STX16: variants seen among roughly 807,000 people sequenced by gnomAD.
STX16 encodes the protein syntaxin 16, also known as syntaxin-16.
In STX16, 28 loss-of-function variants were observed where a neutral mutation model predicts 42.7. That is an observed-to-expected ratio of 0.66 (90% confidence interval 0.49 to 0.90). The LOEUF (loss-of-function observed/expected upper bound fraction) is 0.90, where lower values mean the gene tolerates loss of function less well. Ranked by LOEUF, STX16 falls within the 40% of genes least tolerant of loss-of-function variation. The pLI is 0.00. For missense variants in STX16, 361 were observed against 420.9 expected (o/e 0.86, Z 1.24); for synonymous variants, 156 against 155.2 (o/e 1.00, Z -0.04).
intron 8 of STX16, among the ~76,000 whole-genome samples, chr20:58,674,135 G>T (rs1601054137): frequency 6.6e-6 from 1 of 152,186 alleles, no homozygotes; most frequent in South Asian, 2.1e-4. Flanking sequence ...ATGAATTGCT[G>T]ATGGAGAATC....
At chr20:58,662,780 G>A (rs1218525543) in intron 2 of STX16, among the ~76,000 whole-genome samples, 1 of 152,120 alleles carries the variant, frequency 6.6e-6, no homozygotes, top group Non-Finnish European at 1.5e-5. Context: ...CGCCTGCCTT[G>A]GCCTCCCAAG....
rs886056844 is a variant in STX16 at position 58,651,598 on chromosome 20, G to A, written c.-409G>A. Reference sequence around the variant, plus strand: ...AGACGCTTACGAGCCAAAGTTAGGGGTAGAGAGCAGAGACCTCCGGGGGGT... The same window carrying A: ...AGACGCTTACGAGCCAAAGTTAGGGATAGAGAGCAGAGACCTCCGGGGGGT... On this transcript the variant is annotated 5_prime_UTR_variant, in exon 1 of 9. Transcript: ENST00000371141. The A allele has an allele frequency of 3.8e-5, 7 of 182,254 alleles. No homozygotes were observed. The highest frequency in any genetic ancestry group is 8.3e-5 in the Non-Finnish European group (7 of 84,460). 11.3% of individuals were successfully genotyped at this position (182,254 alleles called of 1,614,324 possible). A position where few individuals can be genotyped will look rare whatever the true frequency, so the allele number is the denominator to read the frequency against.
At position 58,676,338 on chromosome 20, in the gene STX16, G is replaced by T. The variant is rs758147427; in HGVS notation, c.*47G>T. The T allele has an allele frequency of 1.3e-6, 2 of 1,551,214 alleles. No homozygotes were observed. Among genetic ancestry groups the T allele is most frequent in the Non-Finnish European group, 8.9e-7 (1 of 1,124,214 alleles). ...TGCCGCGCGTGTGGATCTCCCGGGT[G>T]TGAGGGGCTTGGCCTGCGCCCCGCC... On this transcript the variant is annotated 3_prime_UTR_variant, in exon 9 of 9. Transcript: ENST00000371141.
chr20:58,669,258 G>C, intron 4 of STX16, 33 bp from the exon 5 acceptor site: 1 of 1,605,050 alleles, frequency 6.2e-7, no homozygotes, highest in Non-Finnish European at 8.5e-7. Context: ...TTCTCTCCCA[G>C]GCTTGCCCTG....
Position 58,676,333 on chromosome 20 carries a change from C to T in STX16, c.*42C>T, listed in dbSNP as rs112492984. ...GTGTGTGCCGCGCGTGTGGATCTCC[C>T]GGGTGTGAGGGGCTTGGCCTGCGCC... On this transcript the variant is annotated 3_prime_UTR_variant, in exon 9 of 9. Coordinates refer to ENST00000371141, the MANE Select transcript of STX16 (RefSeq NM_001001433.3). 8 of 1,561,262 alleles carry T rather than the reference C, an allele frequency of 5.1e-6. No individual in the cohort carries two copies. The highest frequency in any genetic ancestry group is 3.4e-5 in the Admixed American group (2 of 59,656).
At chr20:58,676,113 A>C in intron 8 of STX16, 74 bp from the exon 9 acceptor site, 1 of 1,263,212 alleles carries the variant, frequency 7.9e-7, no homozygotes, top group South Asian at 1.2e-5. Context: ...TGGAAGCCTC[A>C]TTCTGGAAAC....
At chr20:58,656,319 T>C (rs2083585173) in intron 1 of STX16, among the ~76,000 whole-genome samples, 1 of 152,220 alleles carries the variant, frequency 6.6e-6, no homozygotes, top group Non-Finnish European at 1.5e-5. Flanking sequence ...CTGACAGAAA[T>C]CCTTAGAAGT....
chr20:58,659,526 T>C (rs907152689), intron 1 of STX16, 97 bp from the exon 2 acceptor site: 1 of 1,287,318 alleles, frequency 7.8e-7, no homozygotes, highest in Non-Finnish European at 1.1e-6. Flanking sequence ...CAGTGTTTTC[T>C]CAACTGACCA....
intron 1 of STX16, among the ~76,000 whole-genome samples, chr20:58,653,075 A>C (rs2122885998): frequency 6.6e-6 from 1 of 152,330 alleles, no homozygotes; most frequent in South Asian, 2.1e-4. Context: ...TTCAATTGAA[A>C]AGTGAAGTTA....
At chr20:58,658,314 A>G (rs1051320773) in intron 1 of STX16, among the ~76,000 whole-genome samples, 4 of 152,252 alleles carry the variant, frequency 2.6e-5, no homozygotes, top group African/African-American at 9.6e-5. Flanking sequence ...TAAGCTTTTA[A>G]AAAATAAAAA....
At chr20:58,664,149 G>A (rs910340444) in intron 2 of STX16, among the ~76,000 whole-genome samples, 10 of 152,314 alleles carry the variant, frequency 6.6e-5, no homozygotes, top group Admixed American at 5.2e-4. Context: ...GTTTTTAAAT[G>A]GAAAGTGAGG....
Position 58,677,563 on chromosome 20 carries a change from G to T in STX16, c.*1272G>T, listed in dbSNP as rs1293916463. The T allele has an allele frequency of 1.3e-5, 2 of 152,176 alleles. No homozygotes were observed. Among genetic ancestry groups the T allele is most frequent in the Admixed American group, 6.5e-5 (1 of 15,280 alleles). 9.4% of individuals were successfully genotyped at this position (152,176 alleles called of 1,614,324 possible). ...GGAAAGTGATGGTAACTTTGAAGTT[G>T]TTCATGTTTTATTGGCTTTGTTTTA... On this transcript the variant is annotated 3_prime_UTR_variant, in exon 9 of 9. Coordinates refer to ENST00000371141, the MANE Select transcript of STX16 (RefSeq NM_001001433.3).
rs2084218609 is a variant in STX16 at position 58,679,417 on chromosome 20, T to C, written c.*3126T>C. 6.5e-6 allele frequency: 1 copy of C among 152,688 alleles called. No individual in the cohort carries two copies. The highest frequency in any genetic ancestry group is 1.5e-5 in the Non-Finnish European group (1 of 68,044). The allele number at this position is 152,688 out of a possible 1,614,324, so 9.5% of individuals were successfully genotyped here. A position where few individuals can be genotyped will look rare whatever the true frequency, so the allele number is the denominator to read the frequency against. ...ATTAGTGAAGCACTTCTATCCAAAA[T>C]GACTTTTTTGTCCTTTTTTAAAACC... On this transcript the variant is annotated 3_prime_UTR_variant, in exon 9 of 9. Transcript: ENST00000371141.
At chr20:58,675,528 A>G (rs2084091832) in intron 8 of STX16, among the ~76,000 whole-genome samples, 1 of 152,134 alleles carries the variant, frequency 6.6e-6, no homozygotes, top group African/African-American at 2.4e-5. Flanking sequence ...GTTAAGGTGA[A>G]GAGATGTGCA....
At chr20:58,658,111 T>C (rs1435496044) in intron 1 of STX16, among the ~76,000 whole-genome samples, 11 of 152,182 alleles carry the variant, frequency 7.2e-5, no homozygotes, top group African/African-American at 2.7e-4. Context: ...AGGGTGTGTG[T>C]GCTCGGTTAA....
chr20:58,673,828 A>C, intron 8 of STX16, 117 bp downstream of exon 8: 2 of 699,990 alleles, frequency 2.9e-6, no homozygotes, highest in East Asian at 2.8e-5. Context: ...GTCCACTCTC[A>C]ATACAGTAGT....
At chr20:58,655,688 G>T (rs1448446461) in intron 1 of STX16, among the ~76,000 whole-genome samples, 1 of 152,174 alleles carries the variant, frequency 6.6e-6, no homozygotes, top group Non-Finnish European at 1.5e-5. Flanking sequence ...CCTGCTTTTA[G>T]TTCTGTTCCT....
In STX16 at chr20:58,675,380, G is replaced by A. The variant is rs375290418; in HGVS notation, c.874-807G>A. 1.9e-4 allele frequency among the ~76,000 whole-genome samples: 29 copies of A among 152,336 alleles called. No homozygotes were observed. The South Asian group carries it at 5.4e-3, about 28-fold the overall frequency. ...CATGCTCTCCCTGGACGTGCCTCCC[G>A]GCGCCCTCTGAACTCTGCTGTCCTC... is the stretch of plus-strand genomic sequence containing the variant. On this transcript the variant is annotated intron_variant, in intron 8 of 8. Coordinates refer to ENST00000371141, the MANE Select transcript of STX16 (RefSeq NM_001001433.3).
intron 2 of STX16, among the ~76,000 whole-genome samples, chr20:58,662,499 A>G (rs1452852008): frequency 1.3e-5 from 2 of 152,066 alleles, no homozygotes; most frequent in East Asian, 3.9e-4. Flanking sequence ...TTATCTCTAT[A>G]TTTTTTGTAT....
Sources: allele counts gnomAD v4.1 joint callset (sites outside exome capture counted in the v4.1 genomes callset), GRCh38; gene constraint gnomAD v4.1.1; transcripts MANE v1.5; gene names NCBI Gene and HGNC (gene_info 2026-07-23, HGNC 2026-07-21).